Variants in TPRG1 observed in about 807,000 individuals in gnomAD.
TPRG1 encodes the protein tumor protein p63-regulated gene 1 protein.
In TPRG1, 29 loss-of-function variants were observed where a neutral mutation model predicts 29.3. The ratio of observed to expected loss-of-function variants is 0.99; its 90% CI spans 0.74 to 1.35. The LOEUF is 1.35. Ranked by LOEUF, TPRG1 falls within the 40% of genes most tolerant of loss-of-function variation. TPRG1 has a pLI of 0.00. For missense variants in TPRG1, 327 were observed against 335.0 expected (o/e 0.98, Z 0.19); for synonymous variants, 130 against 116.8 (o/e 1.11, Z -0.73).
chr3:189,204,657 A>G (rs1228796815), intron 1 of TPRG1, among the ~76,000 whole-genome samples: 1 of 152,178 alleles, frequency 6.6e-6, no homozygotes, highest in African/African-American at 2.4e-5. Context: ...GGTGCTAATT[A>G]AATCCTCCCT....
At chr3:189,313,656 T>C (rs1332976319) in intron 5 of TPRG1, among the ~76,000 whole-genome samples, 1 of 152,162 alleles carries the variant, frequency 6.6e-6, no homozygotes, top group Admixed American at 6.5e-5. Flanking sequence ...CTACTGTATC[T>C]AGAATCTCTT....
At chr3:189,006,323 C>T (rs1029644676) in intron 3 of TPRG1, among the ~76,000 whole-genome samples, 5 of 151,958 alleles carry the variant, frequency 3.3e-5, no homozygotes, top group African/African-American at 9.7e-5. Context: ...AATCAAAGGG[C>T]CTAGAGGATG....
rs557899317 is a variant in TPRG1 at position 189,199,290 on chromosome 3, G to A, written c.-9-8086G>A. Reference sequence around the variant, plus strand: ...AGTTGGAGTCACATGATGATATGGGGAAAACCATTTATGAACAATCTCTAC... The same window carrying A: ...AGTTGGAGTCACATGATGATATGGGAAAAACCATTTATGAACAATCTCTAC... On this transcript the variant is annotated intron_variant, in intron 1 of 5. Transcript: ENST00000345063. Among the ~76,000 whole-genome samples the A allele has an allele frequency of 3.3e-5, 5 of 152,316 alleles. No individual in the cohort carries two copies. The East Asian group carries it at 9.6e-4, about 29-fold the overall frequency.
At chr3:189,141,414 G>C (rs1179222618) in intron 3 of TPRG1, among the ~76,000 whole-genome samples, 1 of 152,108 alleles carries the variant, frequency 6.6e-6, no homozygotes, top group African/African-American at 2.4e-5. Context: ...TTGTGTGCCA[G>C]ACACTGTGTT....
At chr3:189,189,256 G>T (rs188658796) in intron 1 of TPRG1, among the ~76,000 whole-genome samples, 1 of 151,584 alleles carries the variant, frequency 6.6e-6, no homozygotes, top group Non-Finnish European at 1.5e-5. Context: ...TAAAAACTAC[G>T]ATCATGCTAT....
At chr3:189,163,043 G>A (rs369553835) in intron 5 of TPRG1, among the ~76,000 whole-genome samples, 2 of 152,162 alleles carry the variant, frequency 1.3e-5, no homozygotes, top group East Asian at 1.9e-4. Context: ...AGGCCCAGGC[G>A]GGTGGGTCAC....
chr3:189,073,995 T>C (rs1716962571), intron 4 of TPRG1, among the ~76,000 whole-genome samples: 1 of 152,094 alleles, frequency 6.6e-6, no homozygotes, highest in South Asian at 2.1e-4. Context: ...TGTGAACTCC[T>C]TTATTAGTTT....
chr3:189,204,451 G>A (rs1733997271), intron 1 of TPRG1, among the ~76,000 whole-genome samples: 1 of 152,206 alleles, frequency 6.6e-6, no homozygotes, highest in African/African-American at 2.4e-5. Context: ...GTTCTTCTAA[G>A]ATGTTCCTGT....
chr3:189,175,287 C>T (rs1049941955), intron 1 of TPRG1, among the ~76,000 whole-genome samples: 2 of 148,768 alleles, frequency 1.3e-5, no homozygotes, highest in South Asian at 2.1e-4. Flanking sequence ...GCTCAATAGA[C>T]GTGAGAAGAG....
intron 1 of TPRG1, among the ~76,000 whole-genome samples, chr3:189,195,137 A>G (rs1414837050): frequency 3.3e-5 from 5 of 152,040 alleles, no homozygotes; most frequent in Non-Finnish European, 5.9e-5. Flanking sequence ...GCCTGAGGGT[A>G]TGGTGACTGT....
upstream of TPRG1, among the ~76,000 whole-genome samples, chr3:189,168,410 CCTTGTA>C (rs1484835438): frequency 1.3e-5 from 2 of 152,112 alleles, no homozygotes; most frequent in Non-Finnish European, 2.9e-5. Context: ...AGCTGTGAGG[CCTTGTA>C]GGGCTGTGAA....
intron 1 of TPRG1, among the ~76,000 whole-genome samples, chr3:189,188,906 G>A (rs1222540354): frequency 1.3e-5 from 2 of 152,032 alleles, no homozygotes; most frequent in African/African-American, 4.8e-5. Flanking sequence ...GTCTCTATTT[G>A]GGCATTAATT....
At chr3:189,011,462 T>C (rs1712596847) in intron 3 of TPRG1, among the ~76,000 whole-genome samples, 1 of 152,174 alleles carries the variant, frequency 6.6e-6, no homozygotes, top group Non-Finnish European at 1.5e-5. Flanking sequence ...AGAAATTTAA[T>C]GGAGAACTCA....
chr3:189,021,382 T>C (rs1411888534), intron 3 of TPRG1, among the ~76,000 whole-genome samples: 1 of 152,160 alleles, frequency 6.6e-6, no homozygotes, highest in African/African-American at 2.4e-5. Flanking sequence ...GTTGTTCGTT[T>C]CCATGTTTAG....
intron 2 of TPRG1, among the ~76,000 whole-genome samples, chr3:189,002,313 C>A (rs1712068230): frequency 6.6e-6 from 1 of 152,010 alleles, no homozygotes; most frequent in Non-Finnish European, 1.5e-5. Context: ...TTACTTTCCT[C>A]CTTTACAGCT....
At chr3:189,277,977 G>A (rs1014519049) in intron 4 of TPRG1, among the ~76,000 whole-genome samples, 1 of 152,148 alleles carries the variant, frequency 6.6e-6, no homozygotes, top group African/African-American at 2.4e-5. Context: ...CCACGTCGAA[G>A]CCTATTTCTT....
chr3:189,275,052 C>A (rs145593863), intron 4 of TPRG1, among the ~76,000 whole-genome samples: 58 of 151,608 alleles, frequency 3.8e-4, no homozygotes, highest in African/African-American at 1.4e-3. Context: ...GAGGTTAAGG[C>A]ACTGCATGTA....
chr3:189,183,280 C>T (rs1000289905), intron 1 of TPRG1, among the ~76,000 whole-genome samples: 3 of 152,104 alleles, frequency 2.0e-5, no homozygotes, highest in East Asian at 1.9e-4. Context: ...AGGGAGTATA[C>T]GAATAGGTGT....
chr3:189,225,401 G>C (rs1042262433), intron 3 of TPRG1, among the ~76,000 whole-genome samples: 1 of 152,086 alleles, frequency 6.6e-6, no homozygotes, highest in East Asian at 1.9e-4. Context: ...GGCCACTATA[G>C]GCATTCTATC....
Sources: gnomAD v4.1 joint callset for allele counts (sites outside exome capture counted in the v4.1 genomes callset) on GRCh38, gnomAD v4.1.1 for gene constraint, MANE v1.5 for transcripts, NCBI Gene and HGNC (gene_info 2026-07-23, HGNC 2026-07-21) for gene names.